EBF2: variants seen among roughly 807,000 people sequenced by gnomAD.
EBF2 encodes the protein transcription factor COE2.
In EBF2, 21 loss-of-function variants were observed where a neutral mutation model predicts 72.8. The ratio of observed to expected loss-of-function variants is 0.29; its 90% CI spans 0.20 to 0.42. The LOEUF (loss-of-function observed/expected upper bound fraction) is 0.42. Ranked by LOEUF, EBF2 falls within the 10% of genes least tolerant of loss-of-function variation. EBF2 has a pLI of 1.00. For missense variants in EBF2, 637 were observed against 731.2 expected (o/e 0.87, Z 1.49); for synonymous variants, 299 against 274.2 (o/e 1.09, Z -0.89).
chr8:26,007,872 A>G (rs1308078687), intron 6 of EBF2, among the ~76,000 whole-genome samples: 1 of 152,068 alleles, frequency 6.6e-6, no homozygotes, highest in East Asian at 1.9e-4. Context: ...CTAGCCTGAT[A>G]TAACTTGAAA....
intron 6 of EBF2, among the ~76,000 whole-genome samples, chr8:26,026,099 C>G (rs1805298842): frequency 6.6e-6 from 1 of 152,148 alleles, no homozygotes; most frequent in Non-Finnish European, 1.5e-5. Context: ...ATCACTTAAG[C>G]CCAGGAGTTT....
Position 25,850,496 on chromosome 8 carries a change from C to G in EBF2, c.1696+98G>C, listed in dbSNP as rs927961571. On this transcript the variant is annotated intron_variant, in intron 15 of 15. Coordinates refer to ENST00000520164, the MANE Select transcript of EBF2 (RefSeq NM_022659.4). ...ATAAGAACAGCAAAGCATCTCTTTGCAGGTAAATGGCTGGAGCTATACAAT... is the reference window on the plus strand; with the variant it reads ...ATAAGAACAGCAAAGCATCTCTTTGGAGGTAAATGGCTGGAGCTATACAAT... The G allele has an allele frequency of 4.5e-6, 6 of 1,334,708 alleles. No homozygotes were observed. In the East Asian group the frequency reaches 8.4e-5, roughly 19 times the overall value. 82.7% of individuals were successfully genotyped at this position (1,334,708 alleles called of 1,614,324 possible).
At chr8:25,908,236 A>G (rs745314827) in intron 7 of EBF2, among the ~76,000 whole-genome samples, 6 of 152,210 alleles carry the variant, frequency 3.9e-5, no homozygotes, top group Non-Finnish European at 7.3e-5. Context: ...TCAAATCTCC[A>G]GCACCGGTTG....
intron 6 of EBF2, among the ~76,000 whole-genome samples, chr8:26,005,579 G>GAGAGAGAGAGAGAGAGAGA (rs71216409): frequency 1.6e-5 from 1 of 63,770 alleles, no homozygotes; most frequent in Non-Finnish European, 2.9e-5. Flanking sequence ...GAGAGAGAGA[G>GAGAGAGAGAGAGAGAGAGA]GTATTTTGGG....
At chr8:25,977,440 G>A (rs1804287733) in intron 6 of EBF2, among the ~76,000 whole-genome samples, 1 of 152,130 alleles carries the variant, frequency 6.6e-6, no homozygotes, top group Non-Finnish European at 1.5e-5. Flanking sequence ...ATGCAGAGGG[G>A]TGCTTGATAA....
rs201366810 is a variant in EBF2 at position 25,841,901 on chromosome 8, G to C, written c.*2708C>G. On this transcript the variant is annotated 3_prime_UTR_variant, in exon 16 of 16. Transcript: ENST00000520164. ...TAGCAACTTTATACTGTATATAACT[G>C]ACAAAGCAAAACAATAAAATGAAAC... 1 of 152,112 alleles carries C rather than the reference G, an allele frequency of 6.6e-6. No individual in the cohort carries two copies. Among genetic ancestry groups the C allele is most frequent in the East Asian group, 1.9e-4 (1 of 5,196 alleles). 9.4% of individuals were successfully genotyped at this position (152,112 alleles called of 1,614,324 possible).
At chr8:25,902,835 G>A (rs1418509322) in intron 7 of EBF2, among the ~76,000 whole-genome samples, 1 of 152,214 alleles carries the variant, frequency 6.6e-6, no homozygotes, top group Non-Finnish European at 1.5e-5. Context: ...AAGTTGGAGA[G>A]GGGTGAAGGG....
intron 10 of EBF2, among the ~76,000 whole-genome samples, chr8:25,886,084 T>C (rs77068867): frequency 0.024 from 3,627 of 152,264 alleles, 74 homozygotes; most frequent in Non-Finnish European, 0.035. Flanking sequence ...TTTCCATCTC[T>C]TCCTTGGCAC....
At chr8:26,008,893 C>T (rs1160236439) in intron 6 of EBF2, among the ~76,000 whole-genome samples, 2 of 143,820 alleles carry the variant, frequency 1.4e-5, no homozygotes, top group Non-Finnish European at 3.0e-5. Context: ...AACAACAACA[C>T]ATGCTATGTG....
intron 6 of EBF2, among the ~76,000 whole-genome samples, chr8:26,019,832 C>A (rs1563210598): frequency 6.6e-6 from 1 of 152,170 alleles, no homozygotes; most frequent in East Asian, 1.9e-4. Context: ...CTTGGAGCTA[C>A]CTTTAAGCTG....
intron 2 of EBF2, chr8:26,041,470 G>T (rs1446591954): frequency 5.5e-6 from 1 of 183,300 alleles, no homozygotes; most frequent in Non-Finnish European, 1.2e-5. Context: ...CCAGGTTCAG[G>T]AGGGACTTTG....
At chr8:25,879,425 G>A (rs1802570260) in intron 10 of EBF2, among the ~76,000 whole-genome samples, 1 of 152,184 alleles carries the variant, frequency 6.6e-6, no homozygotes, top group Admixed American at 6.5e-5. Context: ...TAGAATTGCT[G>A]GGTCAAAGGG....
intron 7 of EBF2, among the ~76,000 whole-genome samples, chr8:25,907,318 G>T (rs1369848677): frequency 2.7e-5 from 4 of 149,098 alleles, no homozygotes; most frequent in African/African-American, 9.9e-5. Flanking sequence ...TACTCAGGAG[G>T]GTGAGGCATG....
intron 6 of EBF2, among the ~76,000 whole-genome samples, chr8:25,949,422 C>A (rs563891900): frequency 1.8e-4 from 27 of 152,146 alleles, no homozygotes; most frequent in Non-Finnish European, 3.7e-4. Flanking sequence ...TTGGAAAAAA[C>A]CAAACCACTC....
In EBF2 at chr8:26,044,184, C is replaced by T. The variant is rs865815249; in HGVS notation, c.131+545G>A. On this transcript the variant is annotated intron_variant, in intron 1 of 15. Transcript: ENST00000520164. The surrounding 1 kb of genome is among the most constrained non-coding windows in gnomAD (Gnocchi z 4.1). The stretch of plus-strand genomic sequence containing the variant: ...TGTCCCCCCTCCCAGAGCTCCCGGC[C>T]GCCTCGTCTTCCCGGGCAGCCGCTC... Among the ~76,000 whole-genome samples the T allele has an allele frequency of 1.3e-5, 2 of 152,234 alleles. No homozygotes were observed. The highest frequency in any genetic ancestry group is 1.3e-4 in the Admixed American group (2 of 15,290).
chr8:25,939,332 T>G (rs988443210), intron 6 of EBF2, among the ~76,000 whole-genome samples: 1 of 152,228 alleles, frequency 6.6e-6, no homozygotes, highest in Non-Finnish European at 1.5e-5. Flanking sequence ...ACTTAACATG[T>G]GACAGCTTTT....
At chr8:26,010,565 C>T (rs560393462) in intron 6 of EBF2, among the ~76,000 whole-genome samples, 18 of 152,284 alleles carry the variant, frequency 1.2e-4, no homozygotes, top group Middle Eastern at 3.4e-3. Context: ...CCCAGCGACG[C>T]GCAGCTGAGC....
rs762598011 is a variant in EBF2 at position 25,887,952 on chromosome 8, T to G, written c.772A>C (p.Ile258Leu). The part of the protein sequence containing the change: ...PSEATPCIKA[I>L]SPSEGWTTGG... ...GTGGTCCAGCCTTCACTCGGGCTAATGGCTTTGATGCAGGGGGTAGCTAAG... is the reference window on the plus strand; with the variant it reads ...GTGGTCCAGCCTTCACTCGGGCTAAGGGCTTTGATGCAGGGGGTAGCTAAG... Residue 258 changes from isoleucine (I) to leucine (L), a missense_variant, in exon 9 of 16, where the codon ATT becomes CTT. Ile to Leu is a conservative substitution (Grantham distance 5). Coordinates refer to ENST00000520164, the MANE Select transcript of EBF2 (RefSeq NM_022659.4). The G allele has an allele frequency of 1.2e-6, 2 of 1,612,986 alleles. No individual in the cohort carries two copies. Among genetic ancestry groups the G allele is most frequent in the Non-Finnish European group, 1.7e-6 (2 of 1,179,554 alleles).
intron 6 of EBF2, among the ~76,000 whole-genome samples, chr8:25,974,161 T>C (rs1804231843): frequency 6.6e-6 from 1 of 152,202 alleles, no homozygotes; most frequent in Admixed American, 6.5e-5. Context: ...TGTCTGACTC[T>C]GATTTTACGG....
Sources: gnomAD v4.1 joint callset for allele counts (sites outside exome capture counted in the v4.1 genomes callset) on GRCh38, gnomAD v4.1.1 for gene constraint, Gnocchi (gnomAD v3.1) non-coding constraint, MANE v1.5 for transcripts, NCBI Gene and HGNC (gene_info 2026-07-23, HGNC 2026-07-21) for gene names.